LRRFIP1: variants seen among roughly 807,000 people sequenced by gnomAD.
The protein encoded by LRRFIP1 is LRR binding FLII interacting protein 1.
LRRFIP1 carries 62 observed loss-of-function variants against 104.4 expected under a neutral mutation model. That is an observed-to-expected ratio of 0.59 (90% confidence interval 0.48 to 0.73). LRRFIP1 has a LOEUF of 0.73. Ranked by LOEUF, LRRFIP1 falls within the 30% of genes least tolerant of loss-of-function variation. The pLI, the probability that LRRFIP1 is intolerant of heterozygous loss-of-function variation, is 0.00. For missense variants in LRRFIP1, 796 were observed against 824.5 expected (o/e 0.97, Z 0.42); for synonymous variants, 300 against 299.0 (o/e 1.00, Z -0.03).
intron 1 of LRRFIP1, among the ~76,000 whole-genome samples, chr2:237,695,705 G>T (rs1009322672): frequency 1.3e-5 from 2 of 151,708 alleles, no homozygotes; most frequent in Non-Finnish European, 2.9e-5. Flanking sequence ...CAGGAGAAGA[G>T]GATTTTTATT....
At chr2:237,740,396 AGAGT>A (rs1242115584) in intron 11 of LRRFIP1, among the ~76,000 whole-genome samples, 1 of 152,156 alleles carries the variant, frequency 6.6e-6, no homozygotes, top group African/African-American at 2.4e-5. Flanking sequence ...CCTGGACAAC[AGAGT>A]GAGACCCTGC....
chr2:237,735,304 C>G lies in LRRFIP1; in HGVS notation c.526C>G (p.Arg176Gly), dbSNP rs1359800726. ...VLDEGSFGGTRRGSTSGSRAP... is the reference protein window; with the variant it reads ...VLDEGSFGGTGRGSTSGSRAP... ...GGATGAAGGCAGCTTCGGTGGGACC[C>G]GACGGGGCAGCACCTCCGGCTCCCG... Residue 176 changes from arginine to glycine, a missense_variant, in exon 10 of 24, where the codon CGA becomes GGA. Physicochemically the swap from Arg to Gly is moderately radical, Grantham distance 125. Transcript: ENST00000308482. This position sits in a 1 kb window ranked among gnomAD's most constrained non-coding sequence, Gnocchi z 4.6. 1 of 1,613,476 alleles carries G rather than the reference C, an allele frequency of 6.2e-7. No homozygotes were observed. Among genetic ancestry groups the G allele is most frequent in the Admixed American group, 1.7e-5 (1 of 60,008 alleles).
chr2:237,667,662 C>T (rs2089646797), intron 1 of LRRFIP1, among the ~76,000 whole-genome samples: 1 of 152,204 alleles, frequency 6.6e-6, no homozygotes, highest in Non-Finnish European at 1.5e-5. Flanking sequence ...AACTAATTTA[C>T]ACTCCCACCA....
intron 1 of LRRFIP1, among the ~76,000 whole-genome samples, chr2:237,631,383 T>C (rs2082318542): frequency 6.6e-6 from 1 of 152,216 alleles, no homozygotes; most frequent in African/African-American, 2.4e-5. Context: ...GGTGCATTTC[T>C]GCTTCTGCAG....
intron 7 of LRRFIP1, 56 bp from the exon 8 acceptor site, chr2:237,727,820 C>A (rs1270003420): frequency 7.5e-7 from 1 of 1,329,000 alleles, no homozygotes; most frequent in African/African-American, 1.5e-5. Context: ...CTGATTTGTA[C>A]CTGTGAATTC....
chr2:237,698,779 G>T (rs189965620), intron 1 of LRRFIP1, among the ~76,000 whole-genome samples: 1 of 152,146 alleles, frequency 6.6e-6, no homozygotes, highest in Admixed American at 6.5e-5. Flanking sequence ...GAATTGTGCC[G>T]GGGCTGGTTC....
intron 1 of LRRFIP1, among the ~76,000 whole-genome samples, chr2:237,646,017 C>A (rs1353904305): frequency 2.0e-5 from 3 of 151,886 alleles, no homozygotes; most frequent in Admixed American, 1.3e-4. Context: ...CTCTGGATAA[C>A]AACAGACAAC....
chr2:237,683,591 G>T (rs6743986), intron 1 of LRRFIP1: 120,145 of 152,252 alleles, frequency 0.79, 47,501 homozygotes, highest in Middle Eastern at 0.86. Flanking sequence ...TGATGACTTT[G>T]CTTTGAGCTA....
At chr2:237,748,512 C>A in intron 12 of LRRFIP1, 113 bp downstream of exon 12, 1 of 1,009,820 alleles carries the variant, frequency 9.9e-7, no homozygotes, top group Non-Finnish European at 1.5e-6. Flanking sequence ...GGGAACTGGA[C>A]TAGAAAGCGG....
At chr2:237,762,893 A>T (rs61744755) in intron 19 of LRRFIP1, 4 of 1,614,144 alleles carry the variant, frequency 2.5e-6, no homozygotes. Context: ...AAATGAGGTC[A>T]TGGGTGCACC....
chr2:237,731,597 C>T (rs775836938), intron 8 of LRRFIP1, among the ~76,000 whole-genome samples: 4 of 152,104 alleles, frequency 2.6e-5, no homozygotes, highest in Non-Finnish European at 5.9e-5. Context: ...TTTCTTAATT[C>T]AAGAGATTTT....
rs114847039 is a variant in LRRFIP1 at position 237,691,664 on chromosome 2, A to G, written c.97-16880A>G. Reference sequence around the variant, plus strand: ...GGATGTGGGGGAGCCGGGAACTCATACCCTCGCCCAGCCCCGGGCAGGTCC... The same window carrying G: ...GGATGTGGGGGAGCCGGGAACTCATGCCCTCGCCCAGCCCCGGGCAGGTCC... On this transcript the variant is annotated intron_variant, in intron 1 of 23. Transcript: ENST00000308482. The surrounding 1 kb of genome is among the most constrained non-coding windows in gnomAD (Gnocchi z 5.4). Among the ~76,000 whole-genome samples, 17,655 of 151,138 alleles carry G rather than the reference A, an allele frequency of 0.12. 3,106 individuals carry two copies. The highest frequency in any genetic ancestry group is 0.39 in the African/African-American group (15,907 of 41,094).
chr2:237,747,285 TGGA>T (rs2058002544), intron 11 of LRRFIP1, among the ~76,000 whole-genome samples: 1 of 152,150 alleles, frequency 6.6e-6, no homozygotes. Context: ...CAGGTGTCGT[TGGA>T]GGAGAAGTTG....
At chr2:237,777,146 T>A (rs1576464094) in intron 23 of LRRFIP1, among the ~76,000 whole-genome samples, 1 of 152,276 alleles carries the variant, frequency 6.6e-6, no homozygotes, top group East Asian at 1.9e-4. Context: ...CTCACACATA[T>A]GTGTATATGT....
At chr2:237,632,790 G>A (rs2149256201) in intron 1 of LRRFIP1, among the ~76,000 whole-genome samples, 1 of 55,416 alleles carries the variant, frequency 1.8e-5, no homozygotes, top group South Asian at 6.8e-4. Context: ...GAGAGTCCAG[G>A]ACTGAGCCCA....
chr2:237,685,499 C>A (rs764065728), intron 1 of LRRFIP1, among the ~76,000 whole-genome samples: 2 of 152,126 alleles, frequency 1.3e-5, no homozygotes, highest in Non-Finnish European at 2.9e-5. Context: ...AATATTGGGT[C>A]CTCCTGCTCC....
chr2:237,652,073 G>T (rs1013516271), intron 1 of LRRFIP1, among the ~76,000 whole-genome samples: 28 of 152,220 alleles, frequency 1.8e-4, no homozygotes, highest in Non-Finnish European at 3.4e-4. Context: ...TGAAAAGTAG[G>T]TGCAGGTGGT....
At chr2:237,748,316 A>G in intron 11 of LRRFIP1, 48 bp from the exon 12 acceptor site, 1 of 1,353,160 alleles carries the variant, frequency 7.4e-7, no homozygotes. Flanking sequence ...CATGTTATCC[A>G]TTTAATGCTT....
At chr2:237,731,797 G>T (rs1367528690) in intron 8 of LRRFIP1, among the ~76,000 whole-genome samples, 1 of 152,124 alleles carries the variant, frequency 6.6e-6, no homozygotes, top group East Asian at 1.9e-4. Flanking sequence ...CATCCAAAGG[G>T]TTAAACATCA....
Sources: gnomAD v4.1 joint callset for allele counts (sites outside exome capture counted in the v4.1 genomes callset) on GRCh38, gnomAD v4.1.1 for gene constraint, Gnocchi (gnomAD v3.1) non-coding constraint, MANE v1.5 for transcripts, NCBI Gene and HGNC (gene_info 2026-07-23, HGNC 2026-07-21) for gene names.